Variants in MRPS31 observed in about 807,000 individuals in gnomAD.
MRPS31 encodes the protein mitochondrial ribosomal protein S31.
MRPS31 carries 32 observed loss-of-function variants against 43.1 expected under a neutral mutation model. The observed-to-expected ratio is 0.74, with a 90% CI of 0.56 to 1.00. The LOEUF is 1.00. MRPS31 is among the 50% of genes least tolerant of loss of function. The pLI is 0.00. For missense variants in MRPS31, 437 were observed against 466.7 expected (o/e 0.94, Z 0.59); for synonymous variants, 165 against 161.6 (o/e 1.02, Z -0.16).
chr13:40,739,631 G>A (rs1002739453), intron 6 of MRPS31, among the ~76,000 whole-genome samples: 12 of 152,044 alleles, frequency 7.9e-5, no homozygotes, highest in African/African-American at 2.7e-4. Context: ...CAGAAGTAAC[G>A]CCGTATATCT....
At chr13:40,731,592 A>G (rs1879702160) in intron 6 of MRPS31, among the ~76,000 whole-genome samples, 1 of 151,904 alleles carries the variant, frequency 6.6e-6, no homozygotes, top group South Asian at 2.1e-4. Context: ...AAAAAAAAAA[A>G]GAAAAAGAAA....
At position 40,766,842 on chromosome 13, in the gene MRPS31, ACATTTACT is replaced by A; in HGVS notation, c.336_343del (p.Val113ThrfsTer12). ...TCTTTTGGGGGGCTTTGTTGTTCGT[ACATTTACT>A]GTGCTTAATTCAACTTTCATGCCCT... is the stretch of plus-strand genomic sequence containing the variant. On this transcript the variant is annotated frameshift_variant, in exon 2 of 7. Coordinates refer to ENST00000323563, the MANE Select transcript of MRPS31 (RefSeq NM_005830.4). LOFTEE classifies it high-confidence loss of function. 6.2e-7 allele frequency: 1 copy of A among 1,614,120 alleles called. No homozygotes were observed. Among genetic ancestry groups the A allele is most frequent in the South Asian group, 1.1e-5 (1 of 91,084 alleles).
intron 6 of MRPS31, among the ~76,000 whole-genome samples, chr13:40,747,198 C>A (rs897256245): frequency 6.6e-6 from 1 of 152,060 alleles, no homozygotes; most frequent in African/African-American, 2.4e-5. Flanking sequence ...CCTGCCTCAG[C>A]CTCCAAAGTA....
chr13:40,757,114 T>G, intron 3 of MRPS31, 101 bp from the exon 4 acceptor site: 1 of 889,184 alleles, frequency 1.1e-6, no homozygotes, highest in Admixed American at 3.2e-5. Context: ...TCTTATTTCA[T>G]TTTTATGCAC....
chr13:40,765,615 A>T (rs1317356643), intron 2 of MRPS31, among the ~76,000 whole-genome samples: 1 of 152,160 alleles, frequency 6.6e-6, no homozygotes, highest in East Asian at 1.9e-4. Flanking sequence ...TGATAGTCTG[A>T]ATTAGCTTAC....
chr13:40,731,572 ACT>A (rs1438871478), intron 6 of MRPS31, among the ~76,000 whole-genome samples: 4 of 150,550 alleles, frequency 2.7e-5, no homozygotes, highest in South Asian at 2.1e-4. Context: ...ACAAAGTGAG[ACT>A]CTGTCCAAAA....
chr13:40,746,449 T>A (rs1044582889), intron 6 of MRPS31, among the ~76,000 whole-genome samples: 11 of 152,190 alleles, frequency 7.2e-5, no homozygotes, highest in Non-Finnish European at 1.3e-4. Context: ...ACTGATCACC[T>A]CTTTTCCAAC....
In MRPS31 at chr13:40,749,279, T is replaced by C; in HGVS notation, c.817A>G (p.Thr273Ala). Reference sequence around the variant, plus strand: ...TCCACATCCCAAAGTGAAGGTGATGTGTCTACATAATAAAGACATTTTAGA... The same window carrying C: ...TCCACATCCCAAAGTGAAGGTGATGCGTCTACATAATAAAGACATTTTAGA... ...AVTKEAPETD[T>A]SPSLWDVEFA... Residue 273 changes from threonine (T) to alanine (A), a missense_variant and splice_region_variant, in exon 6 of 7, where the codon ACA becomes GCA. Transcript: ENST00000323563. The C allele has an allele frequency of 6.4e-7, 1 of 1,567,408 alleles. No individual in the cohort carries two copies. The highest frequency in any genetic ancestry group is 1.2e-5 in the South Asian group (1 of 81,756).
intron 6 of MRPS31, among the ~76,000 whole-genome samples, chr13:40,740,458 A>G (rs1241427271): frequency 1.8e-4 from 24 of 135,076 alleles, no homozygotes; most frequent in Non-Finnish European, 2.4e-4. Context: ...AGGACTATAC[A>G]TCATGCTGCT....
intron 6 of MRPS31, among the ~76,000 whole-genome samples, chr13:40,742,105 C>T (rs759386244): frequency 1.3e-5 from 2 of 151,974 alleles, no homozygotes; most frequent in East Asian, 1.9e-4. Flanking sequence ...TTCTTTCACA[C>T]GATTTGACTC....
chr13:40,752,060 G>A (rs774146810), intron 5 of MRPS31, among the ~76,000 whole-genome samples: 2 of 151,066 alleles, frequency 1.3e-5, no homozygotes, highest in East Asian at 1.9e-4. Context: ...AGTTTTGCTC[G>A]TCACTTAGGC....
chr13:40,744,805 G>A (rs1299712354), intron 6 of MRPS31, among the ~76,000 whole-genome samples: 3 of 152,114 alleles, frequency 2.0e-5, no homozygotes, highest in Non-Finnish European at 4.4e-5. Context: ...GTAGAGGCGG[G>A]GTTTCGCCAT....
chr13:40,760,378 A>G (rs2138014188), intron 2 of MRPS31, among the ~76,000 whole-genome samples: 1 of 152,162 alleles, frequency 6.6e-6, no homozygotes, highest in East Asian at 1.9e-4. Context: ...ATTTTACCTG[A>G]AAAAAAGAGC....
intron 5 of MRPS31, among the ~76,000 whole-genome samples, chr13:40,753,062 T>C (rs1388146035): frequency 6.6e-6 from 1 of 152,230 alleles, no homozygotes; most frequent in Non-Finnish European, 1.5e-5. Flanking sequence ...GAAATGCTCA[T>C]CACTTATACA....
At position 40,749,163 on chromosome 13, in the gene MRPS31, C is replaced by A. The variant is rs1225094091; in HGVS notation, c.933G>T (p.Trp311Cys). ...CTGCTTCATTGTTAATTGGGAACTC[C>A]CATAGTTTCCCCTCTTTTGTCCACT... ...LIQWTKEGKL[W>C]EFPINNEAGF... Residue 311 changes from tryptophan to cysteine, a missense_variant, in exon 6 of 7, where the codon TGG becomes TGT. Physicochemically the swap from Trp to Cys is radical, Grantham distance 215. Transcript: ENST00000323563. 5 of 1,598,828 alleles carry A rather than the reference C, an allele frequency of 3.1e-6. No individual in the cohort carries two copies. In the South Asian group the frequency reaches 4.6e-5, roughly 15 times the overall value.
At chr13:40,750,542 A>C (rs1292699899) in intron 5 of MRPS31, among the ~76,000 whole-genome samples, 1 of 152,022 alleles carries the variant, frequency 6.6e-6, no homozygotes, top group Non-Finnish European at 1.5e-5. Flanking sequence ...TTACAACTTA[A>C]TAAAGTTGTA....
At chr13:40,736,377 A>G (rs929411253) in intron 6 of MRPS31, among the ~76,000 whole-genome samples, 2 of 151,412 alleles carry the variant, frequency 1.3e-5, no homozygotes, top group Non-Finnish European at 2.9e-5. Flanking sequence ...ATCCAGGAGA[A>G]TTTACCCAAT....
intron 6 of MRPS31, among the ~76,000 whole-genome samples, chr13:40,730,367 C>A (rs1441785962): frequency 6.6e-6 from 1 of 151,360 alleles, no homozygotes; most frequent in African/African-American, 2.4e-5. Context: ...ACTAAAAATA[C>A]CAAAAAAATT....
intron 6 of MRPS31, among the ~76,000 whole-genome samples, chr13:40,747,798 G>A (rs754897016): frequency 1.8e-4 from 28 of 151,996 alleles, no homozygotes; most frequent in Non-Finnish European, 3.1e-4. Context: ...AGCCAAGATA[G>A]CACCACTGCA....
Sources: allele counts gnomAD v4.1 joint callset (sites outside exome capture counted in the v4.1 genomes callset), GRCh38; gene constraint gnomAD v4.1.1; transcripts MANE v1.5; gene names NCBI Gene and HGNC (gene_info 2026-07-23, HGNC 2026-07-21).